SPNS3: variants seen among roughly 807,000 people sequenced by gnomAD.
SPNS3 encodes the protein protein spinster homolog 3.
In SPNS3, 51 loss-of-function variants were observed where a neutral mutation model predicts 54.4. The ratio of observed to expected loss-of-function variants is 0.94; its 90% CI spans 0.75 to 1.18. SPNS3 has a LOEUF of 1.18. Among genes scored for constraint, SPNS3 ranks in the 50% most tolerant of loss-of-function variants. The pLI is 0.00. For missense variants in SPNS3, 669 were observed against 677.4 expected (o/e 0.99, Z 0.14); for synonymous variants, 309 against 294.7 (o/e 1.05, Z -0.50).
At chr17:4,464,020 G>A (rs1567567680) in intron 8 of SPNS3, among the ~76,000 whole-genome samples, 1 of 152,186 alleles carries the variant, frequency 6.6e-6, no homozygotes, top group Non-Finnish European at 1.5e-5. Flanking sequence ...TAACTGCATT[G>A]TGTGGGCAGG....
rs1232373013 is a variant in SPNS3 at position 4,486,513 on chromosome 17, G to C, written c.1380G>C (p.Gly460=). 1 of 1,613,556 alleles carries C rather than the reference G, an allele frequency of 6.2e-7. No homozygotes were observed. The highest frequency in any genetic ancestry group is 1.3e-5 in the African/African-American group (1 of 74,946). Residue 460 remains glycine (G), a synonymous_variant, in exon 11 of 12, where the codon GGG becomes GGC. Coordinates refer to ENST00000355530, the MANE Select transcript of SPNS3 (RefSeq NM_182538.5). The surrounding 1 kb of genome is among the most constrained non-coding windows in gnomAD (Gnocchi z 5.5). The stretch of plus-strand genomic sequence containing the variant: ...GCTGCGCCTTTGTCATCGCCCTGGG[G>C]GGCGGCTGCTTCCTGCTGACTGCGC... ...FLCCAFVIAL[G]GGCFLLTALY...
chr17:4,468,767 T>C lies in SPNS3; in HGVS notation c.1114-9805T>C, dbSNP rs772355969. On this transcript the variant is annotated intron_variant, in intron 8 of 11. Coordinates refer to ENST00000355530, the MANE Select transcript of SPNS3 (RefSeq NM_182538.5). The stretch of plus-strand genomic sequence containing the variant: ...TTTCTTTCTTTCTTTCTTTCTCTCT[T>C]TCTTTTTCTTTCTTTCTCTCTCTCT... Among the ~76,000 whole-genome samples, 19 of 104,790 alleles carry C rather than the reference T, an allele frequency of 1.8e-4. No individual in the cohort carries two copies. The South Asian group carries it at 1.8e-3, about 10-fold the overall frequency. The allele number at this position is 104,790 out of a possible 152,430, so 68.7% of individuals were successfully genotyped here.
intron 9 of SPNS3, among the ~76,000 whole-genome samples, chr17:4,484,251 T>C (rs1972250288): frequency 6.6e-6 from 1 of 152,214 alleles, no homozygotes; most frequent in South Asian, 2.1e-4. Flanking sequence ...CATCTCCCTC[T>C]CATGGGTTGT....
intron 1 of SPNS3, among the ~76,000 whole-genome samples, chr17:4,439,211 C>T (rs954041461): frequency 1.3e-5 from 2 of 151,902 alleles, no homozygotes; most frequent in African/African-American, 4.8e-5. Flanking sequence ...GCAACCTCCA[C>T]CTCCCAGGCT....
chr17:4,450,373 AC>A (rs1567559021), intron 7 of SPNS3, among the ~76,000 whole-genome samples: 3 of 46,270 alleles, frequency 6.5e-5, no homozygotes, highest in Admixed American at 2.5e-4. Flanking sequence ...CTCTCTCCCT[AC>A]CCCTCCCTCC....
intron 8 of SPNS3, among the ~76,000 whole-genome samples, chr17:4,455,154 T>C (rs988243141): frequency 6.6e-6 from 1 of 152,184 alleles, no homozygotes. Context: ...CCTCAGGCGA[T>C]CCGCCTGTCT....
chr17:4,447,073 C>CG (rs1037739629), intron 5 of SPNS3, 111 bp downstream of exon 5: 179 of 1,068,468 alleles, frequency 1.7e-4, no homozygotes, highest in Non-Finnish European at 2.0e-4. Flanking sequence ...ATTAGGGGGA[C>CG]GGGGGGTGGT....
intron 8 of SPNS3, among the ~76,000 whole-genome samples, chr17:4,457,076 G>A (rs1259134204): frequency 6.6e-6 from 1 of 152,152 alleles, no homozygotes; most frequent in Non-Finnish European, 1.5e-5. Flanking sequence ...GATAGAATCA[G>A]GTAAATAGTG....
chr17:4,484,288 G>T (rs959936685), intron 9 of SPNS3, among the ~76,000 whole-genome samples: 3 of 152,112 alleles, frequency 2.0e-5, no homozygotes, highest in African/African-American at 7.2e-5. Context: ...AATGTATACA[G>T]CAAGCATTCA....
At chr17:4,450,354 C>CCTCTCCTCT (rs1971128982) in intron 7 of SPNS3, among the ~76,000 whole-genome samples, 1 of 122,194 alleles carries the variant, frequency 8.2e-6, no homozygotes, top group Admixed American at 9.0e-5. Context: ...CCTCTCCCCT[C>CCTCTCCTCT]CTCTCTCTCT....
intron 1 of SPNS3, among the ~76,000 whole-genome samples, chr17:4,439,406 G>A (rs563582965): frequency 3.9e-5 from 6 of 152,308 alleles, no homozygotes; most frequent in African/African-American, 1.2e-4. Context: ...GATTACAGGC[G>A]TGAGCCACCG....
intron 8 of SPNS3, among the ~76,000 whole-genome samples, chr17:4,458,621 C>CTTTCTTTCTTTCT (rs1555530834): frequency 0.055 from 6,289 of 115,016 alleles, 377 homozygotes; most frequent in Middle Eastern, 0.11. Flanking sequence ...TTCTTTCTTT[C>CTTTCTTTCTTTCT]TTTCTTTCTT....
chr17:4,449,183 C>G, intron 6 of SPNS3, 52 bp from the exon 7 acceptor site: 1 of 1,583,356 alleles, frequency 6.3e-7, no homozygotes, highest in South Asian at 1.1e-5. Context: ...GTGGACAGGC[C>G]CCTTCAGCCC....
chr17:4,480,935 G>T (rs943013088), intron 9 of SPNS3, among the ~76,000 whole-genome samples: 2 of 152,186 alleles, frequency 1.3e-5, no homozygotes, highest in Non-Finnish European at 2.9e-5. Flanking sequence ...AGCAATCCTT[G>T]TAGCCCCTAT....
At chr17:4,475,124 T>A (rs1222211409) in intron 8 of SPNS3, among the ~76,000 whole-genome samples, 3 of 152,156 alleles carry the variant, frequency 2.0e-5, no homozygotes, top group Non-Finnish European at 2.9e-5. Flanking sequence ...GGGACATTTA[T>A]CATCACTTTC....
At position 4,458,586 on chromosome 17, in the gene SPNS3, C is replaced by CTCCTTCCTTTCT. The variant is rs749391286; in HGVS notation, c.1113+5386_1113+5387insCCTTTCTTCCTT. Among the ~76,000 whole-genome samples the CTCCTTCCTTTCT allele has an allele frequency of 1.5e-4, 10 of 66,790 alleles. 2 individuals are homozygous for CTCCTTCCTTTCT. The Admixed American group carries it at 1.7e-3, about 11-fold the overall frequency. The allele number at this position is 66,790 out of a possible 152,430, so 43.8% of individuals were successfully genotyped here. ...CTTCCCTCCTTTCTTTCTTCCTTCC[C>CTCCTTCCTTTCT]TCCTTTCTTTCTTTCTTTCTTTCTT... On this transcript the variant is annotated intron_variant, in intron 8 of 11. Coordinates refer to ENST00000355530, the MANE Select transcript of SPNS3 (RefSeq NM_182538.5).
intron 8 of SPNS3, among the ~76,000 whole-genome samples, chr17:4,472,600 G>A (rs1050021639): frequency 1.3e-5 from 2 of 152,084 alleles, no homozygotes; most frequent in African/African-American, 4.8e-5. Context: ...GCCATTGTTG[G>A]CTTTCTCTGT....
At position 4,479,660 on chromosome 17, in the gene SPNS3, A is replaced by G. The variant is rs542056674; in HGVS notation, c.1179+1023A>G. 7.9e-5 allele frequency among the ~76,000 whole-genome samples: 12 copies of G among 152,338 alleles called. 2 individuals carry two copies. The South Asian group carries it at 2.3e-3, about 29-fold the overall frequency. On this transcript the variant is annotated intron_variant, in intron 9 of 11. Coordinates refer to ENST00000355530, the MANE Select transcript of SPNS3 (RefSeq NM_182538.5). Reference sequence around the variant, plus strand: ...ACAGTCTGGTGCTGGCCACAAGGGAAATGGACCAGACTGGCAGTCAGCTGA... The same window carrying G: ...ACAGTCTGGTGCTGGCCACAAGGGAGATGGACCAGACTGGCAGTCAGCTGA...
intron 8 of SPNS3, among the ~76,000 whole-genome samples, chr17:4,462,870 A>AATCCATCC (rs1297005246): frequency 1.1e-4 from 1 of 9,340 alleles, no homozygotes; most frequent in African/African-American, 3.8e-4. Context: ...CCCACCCACC[A>AATCCATCC]ATCCATCCAT....
Sources: gnomAD v4.1 joint callset for allele counts (sites outside exome capture counted in the v4.1 genomes callset) on GRCh38, gnomAD v4.1.1 for gene constraint, Gnocchi (gnomAD v3.1) non-coding constraint, MANE v1.5 for transcripts, NCBI Gene and HGNC (gene_info 2026-07-23, HGNC 2026-07-21) for gene names.